The following NDST3 variants were observed in gnomAD, a reference collection of about 807,000 sequenced individuals.
NDST3 encodes the protein N-deacetylase and N-sulfotransferase 3, also known as bifunctional heparan sulfate N-deacetylase/N-sulfotransferase 3.
Under a neutral mutation model 96.1 loss-of-function variants are expected in NDST3, and 58 were observed. The ratio of observed to expected loss-of-function variants is 0.60; its 90% CI spans 0.49 to 0.75. NDST3 has a LOEUF of 0.75. Among genes scored for constraint, NDST3 ranks in the 30% least tolerant of loss-of-function variants. The pLI is 0.00. For missense variants in NDST3, 788 were observed against 1,034.2 expected (o/e 0.76, Z 3.27); for synonymous variants, 333 against 359.7 (o/e 0.93, Z 0.84).
rs1275728345 is a variant in NDST3, at chr4:118,054,658, A to G, written c.748A>G (p.Lys250Glu). The G allele has an allele frequency of 1.2e-6, 2 of 1,613,256 alleles. No homozygotes were observed. Among genetic ancestry groups the G allele is most frequent in the Admixed American group, 3.3e-5 (2 of 59,884 alleles). ...TPENLSPSIS[K>E]GAFYATIIHD... ...AGAAAACCTTTCTCCTTCCATCTCT[A>G]AAGGTGCTTTTTATGCCACTATTAT... is the stretch of plus-strand genomic sequence containing the variant. Residue 250 changes from lysine (K) to glutamate (E), a missense_variant, in exon 2 of 14, where the codon AAA becomes GAA. Lys to Glu is a moderately conservative substitution (Grantham distance 56). This residue lies in a region of NDST3 where 490 missense variants were observed against 708.8 expected (regional missense o/e 0.69). Coordinates refer to ENST00000296499, the MANE Select transcript of NDST3 (RefSeq NM_004784.3).
chr4:118,114,765 G>C (rs1286042868), intron 3 of NDST3, 41 bp from the exon 4 acceptor site: 4 of 1,573,924 alleles, frequency 2.5e-6, no homozygotes, highest in Non-Finnish European at 2.6e-6. Flanking sequence ...TCATAGATCA[G>C]TGTAACTGGA....
chr4:118,178,290 A>G (rs935550269), intron 6 of NDST3, among the ~76,000 whole-genome samples: 1 of 152,024 alleles, frequency 6.6e-6, no homozygotes, highest in African/African-American at 2.4e-5. Flanking sequence ...AAACATTTTC[A>G]TATTGCAAAT....
At chr4:118,143,770 T>C (rs1023200120) in intron 6 of NDST3, 86 bp downstream of exon 6, 1 of 1,403,140 alleles carries the variant, frequency 7.1e-7, no homozygotes, top group African/African-American at 1.5e-5. Flanking sequence ...GATTGGGCAG[T>C]CATCAGCCAA....
At chr4:118,049,460 C>T (rs7683791) in intron 1 of NDST3, among the ~76,000 whole-genome samples, 1 of 151,610 alleles carries the variant, frequency 6.6e-6, no homozygotes, top group Non-Finnish European at 1.5e-5. Context: ...AAAATAAACA[C>T]GACCGATAGA....
At chr4:118,162,188 C>T (rs952349082) in intron 6 of NDST3, among the ~76,000 whole-genome samples, 4 of 152,226 alleles carry the variant, frequency 2.6e-5, no homozygotes, top group South Asian at 2.1e-4. Context: ...AGGTAATTTA[C>T]AGATTCAATG....
chr4:118,152,240 T>G (rs530053350), intron 6 of NDST3, among the ~76,000 whole-genome samples: 59 of 152,322 alleles, frequency 3.9e-4, no homozygotes, highest in East Asian at 7.7e-4. Flanking sequence ...TCTTTACACA[T>G]GCATTTGTCT....
At chr4:118,195,080 A>T (rs1406147887) in intron 6 of NDST3, among the ~76,000 whole-genome samples, 2 of 152,192 alleles carry the variant, frequency 1.3e-5, no homozygotes, top group African/African-American at 4.8e-5. Context: ...ATGAATATGT[A>T]GATTGCTTTG....
At chr4:118,114,473 C>T (rs559025755) in intron 3 of NDST3, among the ~76,000 whole-genome samples, 29 of 152,292 alleles carry the variant, frequency 1.9e-4, no homozygotes, top group Admixed American at 1.4e-3. Context: ...ACATTTCCTA[C>T]TTATCCCCCA....
At chr4:118,233,679 T>A (rs565793937) in intron 9 of NDST3, among the ~76,000 whole-genome samples, 1 of 152,328 alleles carries the variant, frequency 6.6e-6, no homozygotes, top group South Asian at 2.1e-4. Flanking sequence ...ATCAACCATC[T>A]GAACAAACAC....
chr4:118,083,161 A>T (rs1244464165), intron 2 of NDST3, among the ~76,000 whole-genome samples: 1 of 152,196 alleles, frequency 6.6e-6, no homozygotes, highest in Non-Finnish European at 1.5e-5. Context: ...CTTTTTCTTC[A>T]TGAATGTGTA....
chr4:118,231,192 T>G (rs1462951526), intron 8 of NDST3, among the ~76,000 whole-genome samples: 1 of 151,448 alleles, frequency 6.6e-6, no homozygotes, highest in East Asian at 2.0e-4. Context: ...AAAAATTAGC[T>G]GGGCATGGTG....
chr4:118,069,484 T>G (rs1016342439), intron 2 of NDST3, among the ~76,000 whole-genome samples: 4 of 152,038 alleles, frequency 2.6e-5, no homozygotes, highest in Non-Finnish European at 5.9e-5. Flanking sequence ...GGGGTTTTTT[T>G]GTCTAAATGT....
At chr4:118,253,690 A>C in intron 13 of NDST3, 89 bp downstream of exon 13, 1 of 892,928 alleles carries the variant, frequency 1.1e-6, no homozygotes, top group Admixed American at 2.5e-5. Context: ...GTTAAAGTCA[A>C]AATTCAGCCT....
At chr4:118,218,223 G>A (rs972887973) in intron 6 of NDST3, among the ~76,000 whole-genome samples, 1 of 151,958 alleles carries the variant, frequency 6.6e-6, no homozygotes, top group Non-Finnish European at 1.5e-5. Context: ...ACCAAAACTT[G>A]GCAGAGACAA....
chr4:118,196,966 G>C (rs2125973999), intron 6 of NDST3, among the ~76,000 whole-genome samples: 1 of 148,308 alleles, frequency 6.7e-6, no homozygotes, highest in Middle Eastern at 3.5e-3. Flanking sequence ...TTTAATGTAG[G>C]CACTTATAGC....
At chr4:118,247,657 T>G (rs1033794167) in intron 12 of NDST3, among the ~76,000 whole-genome samples, 1 of 152,182 alleles carries the variant, frequency 6.6e-6, no homozygotes, top group Non-Finnish European at 1.5e-5. Flanking sequence ...GGAAGGATAG[T>G]GGAAATGTTC....
intron 6 of NDST3, among the ~76,000 whole-genome samples, chr4:118,169,668 C>G (rs1735796313): frequency 6.6e-6 from 1 of 151,970 alleles, no homozygotes; most frequent in South Asian, 2.1e-4. Flanking sequence ...GTGGCTGGTG[C>G]CTGTAATCCC....
intron 2 of NDST3, among the ~76,000 whole-genome samples, chr4:118,063,002 C>A (rs955154545): frequency 1.3e-5 from 2 of 151,930 alleles, no homozygotes; most frequent in South Asian, 4.1e-4. Context: ...ACCAGCTTGA[C>A]CAACATGGAG....
At chr4:118,064,649 A>G (rs150179057) in intron 2 of NDST3, among the ~76,000 whole-genome samples, 7 of 152,286 alleles carry the variant, frequency 4.6e-5, no homozygotes, top group African/African-American at 1.7e-4. Flanking sequence ...ATACAGGATT[A>G]TTAATAGTTA....
Sources: gnomAD v4.1 joint callset for allele counts (sites outside exome capture counted in the v4.1 genomes callset) on GRCh38, gnomAD v4.1.1 for gene constraint, gnomAD v4.1.1 regional missense constraint, MANE v1.5 for transcripts, NCBI Gene and HGNC (gene_info 2026-07-23, HGNC 2026-07-21) for gene names.